The following ZNF814 variants were observed in gnomAD, a reference collection of about 807,000 sequenced individuals.
The protein encoded by ZNF814 is zinc finger protein 814.
ZNF814 carries 5 observed loss-of-function variants against 7.5 expected under a neutral mutation model. The observed-to-expected ratio is 0.67, with a 90% CI of 0.35 to 1.40. The LOEUF (loss-of-function observed/expected upper bound fraction) is 1.40. Among genes scored for constraint, ZNF814 ranks in the 40% most tolerant of loss-of-function variants. The probability of loss-of-function intolerance (pLI) is 0.04; values close to 1 mark genes in which losing one functional copy is unlikely to be tolerated. For missense variants in ZNF814, 962 were observed against 1,018.0 expected (o/e 0.94, Z 0.75); for synonymous variants, 315 against 340.7 (o/e 0.92, Z 0.83).
At chr19:57,875,342 AGG>A in intron 2 of ZNF814, 116 bp from the exon 3 acceptor site, 1 of 1,605,304 alleles carries the variant, frequency 6.2e-7, no homozygotes, top group Non-Finnish European at 8.5e-7. Flanking sequence ...TTGGAGGAAC[AGG>A]ATGTTGGCTT....
Position 57,874,012 on chromosome 19 carries a change from C to CG in ZNF814, c.1377dup (p.Gly460ArgfsTer17). 6.2e-7 allele frequency: 1 copy of CG among 1,613,502 alleles called. No individual in the cohort carries two copies. The highest frequency in any genetic ancestry group is 8.5e-7 in the Non-Finnish European group (1 of 1,179,794). On this transcript the variant is annotated frameshift_variant, in exon 3 of 3. Coordinates refer to ENST00000435989, the MANE Select transcript of ZNF814 (RefSeq NM_001144989.2). LOFTEE classifies it low-confidence loss of function (END_TRUNC). The stretch of plus-strand genomic sequence containing the variant: ...TCTCCACACTTGAAAGGTCTTTCTC[C>CG]GGCGTGAACTCGTTGATGGCTCCTA...
At chr19:57,891,014 G>A (rs899433282), upstream of ZNF814, among the ~76,000 whole-genome samples, 4 of 152,104 alleles carry the variant, frequency 2.6e-5, no homozygotes, top group Non-Finnish European at 4.4e-5. Context: ...ACAAGATACA[G>A]GCCATAAAGA....
rs765633769 is a variant in ZNF814 at position 57,888,852 on chromosome 19, G to A, written c.-50C>T. On this transcript the variant is annotated 5_prime_UTR_variant, in exon 1 of 3. Coordinates refer to ENST00000435989, the MANE Select transcript of ZNF814 (RefSeq NM_001144989.2). The stretch of plus-strand genomic sequence containing the variant: ...TCGGGAGGATAGGGCGACCAGCCAG[G>A]AGATATGGGCACGACGGTCCGTATC... The A allele has an allele frequency of 9.0e-6, 14 of 1,548,374 alleles. No homozygotes were observed. In the Middle Eastern group the frequency reaches 5.0e-4, roughly 55 times the overall value.
upstream of ZNF814, among the ~76,000 whole-genome samples, chr19:57,892,732 C>T (rs1331200948): frequency 6.6e-6 from 1 of 152,216 alleles, no homozygotes; most frequent in Non-Finnish European, 1.5e-5. Flanking sequence ...TTTTCAGTGT[C>T]ACTGCAATGG....
chr19:57,875,295 G>A lies in ZNF814; in HGVS notation c.164-69C>T. On this transcript the variant is annotated intron_variant, in intron 2 of 2. Transcript: ENST00000435989. ...GGGAAGGCACAGACCACCCACAAGT[G>A]TATCTGAAAAACTGAGGAATTACTC... is the stretch of plus-strand genomic sequence containing the variant. 5 of 1,599,540 alleles carry A rather than the reference G, an allele frequency of 3.1e-6. No homozygotes were observed. The Admixed American group carries it at 5.2e-5, about 17-fold the overall frequency.
chr19:57,886,974 A>T (rs2071698896), intron 1 of ZNF814, among the ~76,000 whole-genome samples: 1 of 151,484 alleles, frequency 6.6e-6, no homozygotes, highest in South Asian at 2.1e-4. Flanking sequence ...GATCAGTTGA[A>T]GTCGGGAGTT....
chr19:57,887,883 A>AC (rs1287666188), intron 1 of ZNF814, among the ~76,000 whole-genome samples: 1 of 152,200 alleles, frequency 6.6e-6, no homozygotes, highest in Non-Finnish European at 1.5e-5. Flanking sequence ...CACACCTGGT[A>AC]CCTTGCCTTT....
chr19:57,891,322 G>A (rs191469842), upstream of ZNF814, among the ~76,000 whole-genome samples: 284 of 152,078 alleles, frequency 1.9e-3, no homozygotes, highest in Middle Eastern at 0.02. Flanking sequence ...TCAGGAGATC[G>A]AGACCATCCT....
intron 1 of ZNF814, among the ~76,000 whole-genome samples, chr19:57,886,472 C>T (rs1455272878): frequency 6.6e-6 from 1 of 152,118 alleles, no homozygotes; most frequent in Non-Finnish European, 1.5e-5. Flanking sequence ...AGATTTTGAT[C>T]CTGTCCTTTG....
chr19:57,873,724 A>G lies in ZNF814; in HGVS notation c.1666T>C (p.Ser556Pro). Residue 556 changes from serine to proline, a missense_variant, in exon 3 of 3, where the codon TCT becomes CCT. This residue lies in a region of ZNF814 where 665 missense variants were observed against 551.4 expected (regional missense o/e 1.21). Transcript: ENST00000435989. ...RLYECGECGK[S>P]FSHKGTLILH... is the part of the protein sequence containing the mutation. ...ATGAGGGTGCCTTTATGACTAAAAG[A>G]TTTCCCACACTCTCCACACTCATAA... The G allele has an allele frequency of 6.2e-7, 1 of 1,613,554 alleles. No individual in the cohort carries two copies. Among genetic ancestry groups the G allele is most frequent in the South Asian group, 1.1e-5 (1 of 91,018 alleles).
At position 57,873,351 on chromosome 19, in the gene ZNF814, T is replaced by A; in HGVS notation, c.2039A>T (p.His680Leu). The A allele has an allele frequency of 6.9e-6, 11 of 1,597,516 alleles. No homozygotes were observed. The highest frequency in any genetic ancestry group is 8.5e-6 in the Non-Finnish European group (10 of 1,171,756). The change falls in exon 3 of 3, where the codon CAT becomes CTT. Residue 680 changes from histidine (H) to leucine (L), a missense_variant. This residue lies in a region of ZNF814 where 665 missense variants were observed against 551.4 expected (regional missense o/e 1.21). Coordinates refer to ENST00000435989, the MANE Select transcript of ZNF814 (RefSeq NM_001144989.2). ...SHKGNLILHQ[H>L]GHTGERPYVC... Reference sequence around the variant, plus strand: ...ATAAGGTCTTTCTCCAGTATGGCCATGCTGGTGTAGAATGAGGTTACCCTT... The same window carrying A: ...ATAAGGTCTTTCTCCAGTATGGCCAAGCTGGTGTAGAATGAGGTTACCCTT...
intron 1 of ZNF814, among the ~76,000 whole-genome samples, chr19:57,887,828 C>G (rs984264169): frequency 6.6e-6 from 1 of 152,204 alleles, no homozygotes; most frequent in Non-Finnish European, 1.5e-5. Context: ...GAGTTTGTGT[C>G]TGGCGTAGTG....
At position 57,873,329 on chromosome 19, in the gene ZNF814, A is replaced by C. The variant is rs555561968; in HGVS notation, c.2061T>G (p.Pro687=). ...LHQHGHTGER[P]YVCRECGKLF... ...ATTTTCCACATTCCCTACATACATAAGGTCTTTCTCCAGTATGGCCATGCT... is the reference window on the plus strand; with the variant it reads ...ATTTTCCACATTCCCTACATACATACGGTCTTTCTCCAGTATGGCCATGCT... The change falls in exon 3 of 3, where the codon CCT becomes CCG. Residue 687 remains proline (P), a synonymous_variant. Coordinates refer to ENST00000435989, the MANE Select transcript of ZNF814 (RefSeq NM_001144989.2). The C allele has an allele frequency of 6.4e-5, 102 of 1,591,478 alleles. 1 individual carries two copies. The South Asian group carries it at 9.3e-4, about 15-fold the overall frequency.
intron 1 of ZNF814, among the ~76,000 whole-genome samples, chr19:57,885,114 G>A (rs747906575): frequency 1.3e-5 from 2 of 152,012 alleles, no homozygotes; most frequent in Non-Finnish European, 2.9e-5. Context: ...GAGGTCAGGA[G>A]ATGGAGACCA....
At position 57,871,229 on chromosome 19, in the gene ZNF814, C is replaced by G. The variant is rs1313911268; in HGVS notation, c.*1593G>C. The G allele has an allele frequency of 6.6e-6, 1 of 151,854 alleles. No homozygotes were observed. The highest frequency in any genetic ancestry group is 1.9e-4 in the East Asian group (1 of 5,186). 9.4% of individuals were successfully genotyped at this position (151,854 alleles called of 1,614,324 possible). On this transcript the variant is annotated 3_prime_UTR_variant, in exon 3 of 3. Coordinates refer to ENST00000435989, the MANE Select transcript of ZNF814 (RefSeq NM_001144989.2). Reference sequence around the variant, plus strand: ...CCTCGTAAAAGAATTTTGTCTTGTTCAAAAAATGCCAGAAATTGTCACAAA... The same window carrying G: ...CCTCGTAAAAGAATTTTGTCTTGTTGAAAAAATGCCAGAAATTGTCACAAA...
At chr19:57,898,709 G>A in the ZNF814 span, among the ~76,000 whole-genome samples, 104,744 of 152,122 alleles carry the variant, frequency 0.69, 36,444 homozygotes, top group Middle Eastern at 0.73. Context: ...TTGGGAGGCC[G>A]AGGCGGGTGG....
chr19:57,888,045 G>A (rs745370299), intron 1 of ZNF814, among the ~76,000 whole-genome samples: 4 of 152,078 alleles, frequency 2.6e-5, no homozygotes, highest in Admixed American at 2.6e-4. Flanking sequence ...CCCTTCCTCG[G>A]GGCCGAGAGA....
chr19:57,894,243 G>A, the ZNF814 span, among the ~76,000 whole-genome samples: 1 of 151,158 alleles, frequency 6.6e-6, no homozygotes, highest in South Asian at 2.1e-4. Flanking sequence ...CATGGTGGCT[G>A]TAGTCCCAGC....
chr19:57,894,524 G>A, the ZNF814 span, among the ~76,000 whole-genome samples: 1 of 151,910 alleles, frequency 6.6e-6, no homozygotes, highest in Non-Finnish European at 1.5e-5. Context: ...ACACCTAGTT[G>A]GCATAGCTGC....
Sources: allele counts gnomAD v4.1 joint callset (sites outside exome capture counted in the v4.1 genomes callset), GRCh38; gene constraint gnomAD v4.1.1; regional missense constraint gnomAD v4.1.1; transcripts MANE v1.5; gene names NCBI Gene and HGNC (gene_info 2026-07-23, HGNC 2026-07-21).